Variants in RCVRN observed in about 807,000 individuals in gnomAD.
The protein encoded by RCVRN is recoverin.
A neutral mutation model predicts 20.4 loss-of-function variants in RCVRN; 23 were observed. That is an observed-to-expected ratio of 1.13 (90% CI 0.81 to 1.60). The LOEUF (loss-of-function observed/expected upper bound fraction) is 1.60, where lower values mean the gene tolerates loss of function less well. Among genes scored for constraint, RCVRN ranks in the 40% most tolerant of loss-of-function variants. The probability of loss-of-function intolerance (pLI) is 0.00; values close to 1 mark genes in which losing one functional copy is unlikely to be tolerated. For missense variants in RCVRN, 254 were observed against 254.2 expected, an observed-to-expected ratio of 1.00 and a Z score of 0.00; for synonymous variants, 105 against 105.9, an observed-to-expected ratio of 0.99 and a Z score of 0.05.
rs1355364689 is a variant in RCVRN at position 9,897,450 on chromosome 17, C to G, written c.*645G>C. 1 of 151,364 alleles carries G rather than the reference C, an allele frequency of 6.6e-6. No homozygotes were observed. The highest frequency in any genetic ancestry group is 1.5e-5 in the Non-Finnish European group (1 of 67,762). The allele number at this position is 151,364 out of a possible 1,614,324, so 9.4% of individuals were successfully genotyped here. On this transcript the variant is annotated 3_prime_UTR_variant, in exon 3 of 3. Coordinates refer to ENST00000226193, the MANE Select transcript of RCVRN (RefSeq NM_002903.3). ...TCAGGGATGTGGTCCCTGATCCCCC[C>G]TGACAAGTCAGCCCCTTCCACTGTG...
chr17:9,898,556 T>A (rs563382355), intron 2 of RCVRN, among the ~76,000 whole-genome samples: 88 of 152,358 alleles, frequency 5.8e-4, no homozygotes, highest in African/African-American at 2.0e-3. Context: ...TTAATTGTTA[T>A]TCTATTTTCT....
At chr17:9,903,929 G>A (rs1156765410) in intron 1 of RCVRN, among the ~76,000 whole-genome samples, 1 of 152,178 alleles carries the variant, frequency 6.6e-6, no homozygotes, top group Non-Finnish European at 1.5e-5. Context: ...AAATCATGCA[G>A]TAAAAATACA....
intron 1 of RCVRN, among the ~76,000 whole-genome samples, chr17:9,903,795 A>G (rs1558228): frequency 0.51 from 76,841 of 151,814 alleles, 19,522 homozygotes; most frequent in East Asian, 0.55. Flanking sequence ...TACATCCCTG[A>G]GCTCCATGGT....
chr17:9,901,213 C>T, intron 1 of RCVRN, 113 bp from the exon 2 acceptor site: 1 of 524,348 alleles, frequency 1.9e-6, no homozygotes, highest in East Asian at 2.9e-5. Context: ...GGATTAAAGA[C>T]TTAAACATAA....
intron 1 of RCVRN, among the ~76,000 whole-genome samples, chr17:9,901,411 A>T (rs2067341076): frequency 9.1e-6 from 1 of 110,436 alleles, no homozygotes; most frequent in East Asian, 2.1e-4. Context: ...TCAAAATGTA[A>T]CTTATGGAAT....
rs1680237697 is a variant in RCVRN at position 9,904,951 on chromosome 17, A to G, written c.230T>C (p.Leu77Pro). Residue 77 changes from leucine to proline, a missense_variant, in exon 1 of 3, where the codon CTC (leucine) becomes CCC (proline). Coordinates refer to ENST00000226193, the MANE Select transcript of RCVRN (RefSeq NM_002903.3). The surrounding 1 kb of genome is among the most constrained non-coding windows in gnomAD (Gnocchi z 5.8). Reference protein sequence around the residue: ...QHVFRSFDSNLDGTLDFKEYV... With the variant: ...QHVFRSFDSNPDGTLDFKEYV... ...CTCCTTGAAGTCCAGGGTGCCGTCGAGGTTGGAATCGAAGCTGCGGAACAC... is the reference window on the plus strand; with the variant it reads ...CTCCTTGAAGTCCAGGGTGCCGTCGGGGTTGGAATCGAAGCTGCGGAACAC... 1 of 1,614,084 alleles carries G rather than the reference A, an allele frequency of 6.2e-7. No individual in the cohort carries two copies. The highest frequency in any genetic ancestry group is 8.5e-7 in the Non-Finnish European group (1 of 1,179,996).
At chr17:9,902,530 G>C (rs2067345876) in intron 1 of RCVRN, among the ~76,000 whole-genome samples, 1 of 151,906 alleles carries the variant, frequency 6.6e-6, no homozygotes, top group Non-Finnish European at 1.5e-5. Flanking sequence ...GAAGAATAAG[G>C]TAAGTGGCAG....
At chr17:9,898,400 T>G (rs575194914) in intron 2 of RCVRN, among the ~76,000 whole-genome samples, 196 bp from the exon 3 acceptor site, 8 of 152,082 alleles carry the variant, frequency 5.3e-5, no homozygotes, top group African/African-American at 1.9e-4. Flanking sequence ...CCCATGACCC[T>G]TGGAGCTCCC....
intron 1 of RCVRN, among the ~76,000 whole-genome samples, chr17:9,903,084 T>A (rs1388777662): frequency 6.6e-6 from 1 of 152,200 alleles, no homozygotes; most frequent in Non-Finnish European, 1.5e-5. Flanking sequence ...AAAAATCGTA[T>A]GTGAATATGT....
Position 9,899,063 on chromosome 17 carries a change from C to T in RCVRN, c.494-859G>A, listed in dbSNP as rs1048002053. Among the ~76,000 whole-genome samples the T allele has an allele frequency of 2.0e-5, 3 of 152,170 alleles. No homozygotes were observed. Among genetic ancestry groups the T allele is most frequent in the African/African-American group, 7.2e-5 (3 of 41,442 alleles). On this transcript the variant is annotated intron_variant, in intron 2 of 2. Coordinates refer to ENST00000226193, the MANE Select transcript of RCVRN (RefSeq NM_002903.3). The surrounding 1 kb of genome is among the most constrained non-coding windows in gnomAD (Gnocchi z 4.6). ...AATAGAAGAGAGTGAGATGAAGTCC[C>T]TCCCTGGGAAACTGTTGACCTGGCG...
chr17:9,903,887 G>A (rs570679193), intron 1 of RCVRN, among the ~76,000 whole-genome samples: 128 of 152,330 alleles, frequency 8.4e-4, no homozygotes, highest in African/African-American at 2.9e-3. Flanking sequence ...ACGATGGTAA[G>A]TATTTGTGCA....
At chr17:9,901,649 T>A (rs2067342269) in intron 1 of RCVRN, among the ~76,000 whole-genome samples, 2 of 152,096 alleles carry the variant, frequency 1.3e-5, no homozygotes, top group Non-Finnish European at 2.9e-5. Flanking sequence ...TGGACGCCAG[T>A]GTAGGTGGCT....
At chr17:9,902,041 TCTC>T (rs2067343897) in intron 1 of RCVRN, among the ~76,000 whole-genome samples, 1 of 151,036 alleles carries the variant, frequency 6.6e-6, no homozygotes, top group Non-Finnish European at 1.5e-5. Flanking sequence ...CTCCTTTCCT[TCTC>T]CTCCCTCCCT....
intron 2 of RCVRN, 70 bp from the exon 3 acceptor site, chr17:9,898,274 G>C (rs1281777899): frequency 1.5e-5 from 14 of 907,040 alleles, no homozygotes; most frequent in Non-Finnish European, 2.2e-5. Flanking sequence ...GCTGCGATGA[G>C]GCTGACATCT....
Position 9,904,912 on chromosome 17 carries a change from A to C in RCVRN, c.269T>G (p.Leu90Arg). 4 of 1,614,170 alleles carry C rather than the reference A, an allele frequency of 2.5e-6. No individual in the cohort carries two copies. Among genetic ancestry groups the C allele is most frequent in the Non-Finnish European group, 3.4e-6 (4 of 1,180,024 alleles). Residue 90 changes from leucine to arginine, a missense_variant, in exon 1 of 3, where the codon CTG becomes CGG. Physicochemically the swap from Leu to Arg is moderately radical, Grantham distance 102. Coordinates refer to ENST00000226193, the MANE Select transcript of RCVRN (RefSeq NM_002903.3). This position sits in a 1 kb window ranked among gnomAD's most constrained non-coding sequence, Gnocchi z 5.8. ...TLDFKEYVIA[L>R]HMTTAGKTNQ... Reference sequence around the variant, plus strand: ...GGTCTTGCCCGCGGTGGTCATGTGCAGGGCGATGACGTACTCCTTGAAGTC... The same window carrying C: ...GGTCTTGCCCGCGGTGGTCATGTGCCGGGCGATGACGTACTCCTTGAAGTC...
intron 1 of RCVRN, among the ~76,000 whole-genome samples, chr17:9,903,574 A>C (rs1382907358): frequency 2.0e-5 from 3 of 152,276 alleles, no homozygotes; most frequent in Admixed American, 2.0e-4. Context: ...TAGAATGAAC[A>C]GTGATTCAAC....
Position 9,897,887 on chromosome 17 carries a change from G to T in RCVRN, c.*208C>A. The T allele has an allele frequency of 1.8e-6, 1 of 556,550 alleles. No individual in the cohort carries two copies. 34.5% of individuals were successfully genotyped at this position (556,550 alleles called of 1,614,324 possible). A position where few individuals can be genotyped will look rare whatever the true frequency, so the allele number is the denominator to read the frequency against. ...ATGGGAGGGAATGCTGAAGACCCAG[G>T]AAGAAGGAACCAGTGGGTCACTACA... On this transcript the variant is annotated 3_prime_UTR_variant, in exon 3 of 3. Transcript: ENST00000226193.
In RCVRN at chr17:9,899,718, C is replaced by T. The variant is rs2067333394; in HGVS notation, c.493+1271G>A. Among the ~76,000 whole-genome samples, 2 of 152,110 alleles carry T rather than the reference C, an allele frequency of 1.3e-5. No homozygotes were observed. ...GTACCAAGGCGCGAATTTAAGGAGG[C>T]GCTCACTTTCAGGTCCTGTGAGTGC... On this transcript the variant is annotated intron_variant, in intron 2 of 2. Coordinates refer to ENST00000226193, the MANE Select transcript of RCVRN (RefSeq NM_002903.3). The surrounding 1 kb of genome is among the most constrained non-coding windows in gnomAD (Gnocchi z 4.6).
At position 9,900,150 on chromosome 17, in the gene RCVRN, C is replaced by T. The variant is rs181200935; in HGVS notation, c.493+839G>A. ...ACCCTCTGCTGTTTGCCAATCCCCA[C>T]TGCTTGTAGATGACTGTCCACATAA... On this transcript the variant is annotated intron_variant, in intron 2 of 2. Coordinates refer to ENST00000226193, the MANE Select transcript of RCVRN (RefSeq NM_002903.3). Among the ~76,000 whole-genome samples, 26 of 152,310 alleles carry T rather than the reference C, an allele frequency of 1.7e-4. No individual in the cohort carries two copies. In the East Asian group the frequency reaches 5.0e-3, roughly 29 times the overall value.
Sources: allele counts gnomAD v4.1 joint callset (sites outside exome capture counted in the v4.1 genomes callset), GRCh38; gene constraint gnomAD v4.1.1; non-coding constraint Gnocchi (gnomAD v3.1); transcripts MANE v1.5; gene names NCBI Gene and HGNC (gene_info 2026-07-23, HGNC 2026-07-21).